YEATS2: variants seen among roughly 807,000 people sequenced by gnomAD.
The protein encoded by YEATS2 is YEATS domain containing 2, also known as YEATS domain-containing protein 2.
Under a neutral mutation model 163.2 loss-of-function variants are expected in YEATS2, and 77 were observed. That is an observed-to-expected ratio of 0.47 (90% CI 0.39 to 0.57). The LOEUF (loss-of-function observed/expected upper bound fraction) is 0.57, where lower values mean the gene tolerates loss of function less well. YEATS2 is among the 20% of genes least tolerant of loss of function. The pLI, the probability that YEATS2 is intolerant of heterozygous loss-of-function variation, is 0.00. For missense variants in YEATS2, 1,549 were observed against 1,729.8 expected (o/e 0.90, Z 1.85); for synonymous variants, 631 against 645.1 (o/e 0.98, Z 0.33).
chr3:183,722,639 G>A (rs1440963223), intron 5 of YEATS2, among the ~76,000 whole-genome samples: 1 of 150,772 alleles, frequency 6.6e-6, no homozygotes, highest in Non-Finnish European at 1.5e-5. Context: ...TCAGAACTGC[G>A]AATTAAACCT....
intron 8 of YEATS2, among the ~76,000 whole-genome samples, chr3:183,743,890 C>G (rs1172820982): frequency 6.6e-6 from 1 of 152,056 alleles, no homozygotes; most frequent in Non-Finnish European, 1.5e-5. Flanking sequence ...AAATGGACCT[C>G]TTTCAAGCTT....
In YEATS2 at chr3:183,755,741, C is replaced by CTT. The variant is rs57050296; in HGVS notation, c.1391-759_1391-758dup. ...ACTTACTGATTTTCTTCCTTCCTTT[C>CTT]TTTTTTTTTTTTTTTTTTTTTTTTT... is the stretch of plus-strand genomic sequence containing the variant. On this transcript the variant is annotated intron_variant, in intron 11 of 30. Transcript: ENST00000305135. Among the ~76,000 whole-genome samples the CTT allele has an allele frequency of 5.3e-3, 434 of 82,086 alleles. 37 individuals carry two copies. The highest frequency in any genetic ancestry group is 0.016 in the African/African-American group (262 of 16,492). 53.9% of individuals were successfully genotyped at this position (82,086 alleles called of 152,430 possible). A position where few individuals can be genotyped will look rare whatever the true frequency, so the allele number is the denominator to read the frequency against.
At chr3:183,742,743 T>C (rs1719106357) in intron 8 of YEATS2, among the ~76,000 whole-genome samples, 1 of 152,172 alleles carries the variant, frequency 6.6e-6, no homozygotes, top group South Asian at 2.1e-4. Context: ...TGAAAGAACT[T>C]CTCTTGTGGA....
rs115399753 is a variant in YEATS2, at chr3:183,810,879, C to T, written c.*296C>T. On this transcript the variant is annotated 3_prime_UTR_variant, in exon 31 of 31. Transcript: ENST00000305135. ...CCACGAGAGCGGGCCAGGCCGTGTG[C>T]CTCAGGCCCTTCTCCCTGGGTGTGC... is the stretch of plus-strand genomic sequence containing the variant. 637 of 350,706 alleles carry T rather than the reference C, an allele frequency of 1.8e-3. 1 individual carries two copies. The highest frequency in any genetic ancestry group is 0.012 in the African/African-American group (566 of 47,548). The allele number at this position is 350,706 out of a possible 1,614,324, so 21.7% of individuals were successfully genotyped here. A position where few individuals can be genotyped will look rare whatever the true frequency, so the allele number is the denominator to read the frequency against.
At chr3:183,747,442 G>C (rs1719663405) in intron 8 of YEATS2, among the ~76,000 whole-genome samples, 1 of 151,782 alleles carries the variant, frequency 6.6e-6, no homozygotes, top group Admixed American at 6.6e-5. Flanking sequence ...CCTTAGAATA[G>C]GTTTTTTAAA....
In YEATS2 at chr3:183,763,925, G is replaced by A. The variant is rs537523223; in HGVS notation, c.1947+1646G>A. ...TCTACTAAAAATACAAAAACCGAGC[G>A]TGGTGGGTGGCATGCACCTGTAATC... On this transcript the variant is annotated intron_variant, in intron 15 of 30. Transcript: ENST00000305135. Among the ~76,000 whole-genome samples, 9 of 152,116 alleles carry A rather than the reference G, an allele frequency of 5.9e-5. No homozygotes were observed. The South Asian group carries it at 1.2e-3, about 21-fold the overall frequency.
At chr3:183,722,805 A>G (rs930445507) in intron 5 of YEATS2, among the ~76,000 whole-genome samples, 1 of 151,926 alleles carries the variant, frequency 6.6e-6, no homozygotes, top group Non-Finnish European at 1.5e-5. Context: ...GGCATGTGCT[A>G]CCACGCCTGG....
rs571357506 is a variant in YEATS2, at chr3:183,710,985, C to T, written c.-19-4159C>T. 7.2e-5 allele frequency among the ~76,000 whole-genome samples: 11 copies of T among 152,248 alleles called. No individual in the cohort carries two copies. The South Asian group carries it at 2.1e-3, about 29-fold the overall frequency. The stretch of plus-strand genomic sequence containing the variant: ...TAGGTATCTGCTGGGCTATATCCAC[C>T]TCTGATTCTAGGTTCATGTGTAATT... On this transcript the variant is annotated intron_variant, in intron 1 of 30. Coordinates refer to ENST00000305135, the MANE Select transcript of YEATS2 (RefSeq NM_018023.5).
chr3:183,805,121 C>T (rs759959119), intron 27 of YEATS2, among the ~76,000 whole-genome samples: 10 of 151,982 alleles, frequency 6.6e-5, no homozygotes, highest in Non-Finnish European at 1.2e-4. Flanking sequence ...AGGGTTGGGC[C>T]GGGCGTAGTG....
chr3:183,747,839 G>A (rs1375006838), intron 9 of YEATS2, 123 bp downstream of exon 9: 6 of 784,114 alleles, frequency 7.7e-6, no homozygotes, highest in Non-Finnish European at 1.2e-5. Context: ...GAGTGCAGTG[G>A]CATGATCTCG....
intron 12 of YEATS2, among the ~76,000 whole-genome samples, 153 bp downstream of exon 12, chr3:183,756,842 C>T (rs1720826199): frequency 6.6e-6 from 1 of 152,170 alleles, no homozygotes; most frequent in South Asian, 2.1e-4. Context: ...TACTCTTTCT[C>T]TGAGGGGAGA....
At chr3:183,709,352 T>C (rs1416017211) in intron 1 of YEATS2, among the ~76,000 whole-genome samples, 3 of 152,128 alleles carry the variant, frequency 2.0e-5, no homozygotes, top group African/African-American at 7.2e-5. Context: ...TACTCTTTTT[T>C]TGAGATAAAG....
intron 1 of YEATS2, among the ~76,000 whole-genome samples, chr3:183,704,108 G>A (rs540162210): frequency 2.0e-5 from 3 of 149,906 alleles, no homozygotes; most frequent in South Asian, 2.1e-4. Context: ...CCGATATTGC[G>A]CCACTGCAAT....
intron 17 of YEATS2, among the ~76,000 whole-genome samples, chr3:183,774,008 ACT>A (rs982501342): frequency 1.3e-5 from 2 of 152,122 alleles, no homozygotes; most frequent in Non-Finnish European, 2.9e-5. Flanking sequence ...GAGATGAATC[ACT>A]CTGGAGAGAG....
intron 27 of YEATS2, 152 bp from the exon 28 acceptor site, chr3:183,806,711 TCTC>T: frequency 1.4e-6 from 1 of 707,920 alleles, no homozygotes; most frequent in Non-Finnish European, 2.3e-6. Context: ...AATTACTAGT[TCTC>T]ATCATTATAG....
intron 12 of YEATS2, among the ~76,000 whole-genome samples, chr3:183,757,997 G>A (rs111301321): frequency 2.3e-4 from 35 of 152,278 alleles, no homozygotes; most frequent in African/African-American, 7.7e-4. Flanking sequence ...TTGACTTGTT[G>A]ACTATAGGTA....
At chr3:183,706,741 G>A (rs1714660874) in intron 1 of YEATS2, among the ~76,000 whole-genome samples, 1 of 152,154 alleles carries the variant, frequency 6.6e-6, no homozygotes, top group Admixed American at 6.5e-5. Flanking sequence ...GCTTGAACCC[G>A]GGAGGCGGAG....
rs754118050 is a variant in YEATS2 at position 183,752,109 on chromosome 3, G to A, written c.1006G>A (p.Glu336Lys). 3.1e-6 allele frequency: 5 copies of A among 1,614,148 alleles called. No homozygotes were observed. Among genetic ancestry groups the A allele is most frequent in the Non-Finnish European group, 4.2e-6 (5 of 1,180,010 alleles). The change falls in exon 10 of 31, where the codon GAA (glutamate) becomes AAA (lysine). Residue 336 changes from glutamate (E) to lysine (K), a missense_variant. Glu to Lys is a moderately conservative substitution (Grantham distance 56). Transcript: ENST00000305135. Reference sequence around the variant, plus strand: ...TGAACTCCATCGCCATTCTCTCGGAGAAGACTGTATCTATCCTCAGTCCTC... The same window carrying A: ...TGAACTCCATCGCCATTCTCTCGGAAAAGACTGTATCTATCCTCAGTCCTC... The part of the protein sequence containing the change: ...DVELHRHSLG[E>K]DCIYPQSSES...
intron 1 of YEATS2, among the ~76,000 whole-genome samples, chr3:183,705,119 G>T (rs1462304596): frequency 5.9e-5 from 9 of 151,992 alleles, no homozygotes; most frequent in Non-Finnish European, 1.2e-4. Context: ...CGCGATCTCA[G>T]CTTAACTGCA....
Sources: gnomAD v4.1 joint callset for allele counts (sites outside exome capture counted in the v4.1 genomes callset) on GRCh38, gnomAD v4.1.1 for gene constraint, MANE v1.5 for transcripts, NCBI Gene and HGNC (gene_info 2026-07-23, HGNC 2026-07-21) for gene names.